The following PLK5 variants were observed in gnomAD, a reference collection of about 807,000 sequenced individuals.
PLK5 encodes inactive serine/threonine-protein kinase PLK5.
In PLK5, 28 loss-of-function variants were observed where a neutral mutation model predicts 33.7. The observed-to-expected ratio is 0.83, with a 90% CI of 0.62 to 1.14. The LOEUF (loss-of-function observed/expected upper bound fraction) is 1.14. PLK5 is among the 50% of genes most tolerant of loss of function. The pLI is 0.00. For synonymous variants in PLK5, 225 were observed against 202.2 expected (o/e 1.11, Z -0.96); for missense variants, 492 against 461.5 (o/e 1.07, Z -0.61).
At chr19:1,533,718 GC>G (rs1021829707) in intron 12 of PLK5, 36 of 599,950 alleles carry the variant, frequency 6.0e-5, no homozygotes, top group Non-Finnish European at 1.2e-5. Flanking sequence ...CCTGGCCCCA[GC>G]CAAGTGTGCT....
rs994231896 is a variant in PLK5, at chr19:1,524,397, C to G, written c.-544+151C>G. Among the ~76,000 whole-genome samples, 12 of 152,060 alleles carry G rather than the reference C, an allele frequency of 7.9e-5. No individual in the cohort carries two copies. Among genetic ancestry groups the G allele is most frequent in the Admixed American group, 6.6e-4 (10 of 15,262 alleles). The stretch of plus-strand genomic sequence containing the variant: ...GCGCGTCCGGAGCCGCGGGGCCTCC[C>G]GTGCGGGGTTTCGCATGGCGGGAAC... On this transcript the variant is annotated intron_variant, in intron 1 of 13. Coordinates refer to ENST00000454744, the MANE Select transcript of PLK5 (RefSeq NM_001243079.2). The surrounding 1 kb of genome is among the most constrained non-coding windows in gnomAD (Gnocchi z 4.5).
At chr19:1,529,613 C>T in intron 10 of PLK5, 123 bp downstream of exon 10, 1 of 1,406,002 alleles carries the variant, frequency 7.1e-7, no homozygotes, top group African/African-American at 1.4e-5. Context: ...CCTTTCCCGC[C>T]TGTCAAATGG....
intron 12 of PLK5, 178 bp from the exon 13 acceptor site, chr19:1,533,753 G>A (rs2145548722): frequency 3.3e-6 from 2 of 610,376 alleles, no homozygotes; most frequent in South Asian, 1.9e-5. Context: ...CGGGAGGCTG[G>A]AAGCCTTCGC....
intron 11 of PLK5, among the ~76,000 whole-genome samples, chr19:1,531,020 G>A (rs1000179276): frequency 6.6e-6 from 1 of 151,882 alleles, no homozygotes; most frequent in African/African-American, 2.4e-5. Context: ...TGAGCTCGGA[G>A]GTGGAGGCTG....
At chr19:1,529,247 G>A (rs1157074917) in intron 9 of PLK5, among the ~76,000 whole-genome samples, 159 bp from the exon 10 acceptor site, 1 of 152,172 alleles carries the variant, frequency 6.6e-6, no homozygotes, top group Non-Finnish European at 1.5e-5. Flanking sequence ...CCTACTGTAT[G>A]CCTCCGAGAC....
intron 13 of PLK5, among the ~76,000 whole-genome samples, chr19:1,534,628 AC>A (rs1914036026): frequency 7.0e-6 from 1 of 142,558 alleles, no homozygotes; most frequent in African/African-American, 2.6e-5. Flanking sequence ...ACACGGTGAA[AC>A]CCCGTCTCTA....
At chr19:1,531,715 A>G (rs1452370136) in intron 11 of PLK5, 23 bp from the exon 12 acceptor site, 1 of 1,536,356 alleles carries the variant, frequency 6.5e-7, no homozygotes. Flanking sequence ...CCCCTGGCTC[A>G]GCATACCTTT....
At chr19:1,527,602 T>A (rs1398274693) in intron 6 of PLK5, among the ~76,000 whole-genome samples, 13 of 147,286 alleles carry the variant, frequency 8.8e-5, no homozygotes, top group African/African-American at 3.0e-4. Flanking sequence ...ACCCTGTCTT[T>A]AAAAAAAAAA....
Position 1,535,325 on chromosome 19 carries a change from C to G in PLK5, c.*75C>G, listed in dbSNP as rs976862983. On this transcript the variant is annotated 3_prime_UTR_variant, in exon 14 of 14. Transcript: ENST00000454744. ...GGCTCCATTTCCATTCCTGTGGCTC[C>G]CCCAGAGGGGCTGTCCTGGGGGAGG... The G allele has an allele frequency of 1.4e-6, 2 of 1,448,462 alleles. No individual in the cohort carries two copies. Among genetic ancestry groups the G allele is most frequent in the Non-Finnish European group, 1.8e-6 (2 of 1,089,596 alleles). 89.7% of individuals were successfully genotyped at this position (1,448,462 alleles called of 1,614,324 possible). A position where few individuals can be genotyped will look rare whatever the true frequency, so the allele number is the denominator to read the frequency against.
At position 1,524,617 on chromosome 19, in the gene PLK5, G is replaced by C. The variant is rs1913682891; in HGVS notation, c.-544+371G>C. Among the ~76,000 whole-genome samples, 1 of 151,056 alleles carries C rather than the reference G, an allele frequency of 6.6e-6. No individual in the cohort carries two copies. Among genetic ancestry groups the C allele is most frequent in the African/African-American group, 2.4e-5 (1 of 41,040 alleles). ...GCGGTGTTCGTGTGTGTGTGTGTGT[G>C]TGTGTGTGTGTGTGTCTGGGTGTTG... On this transcript the variant is annotated intron_variant, in intron 1 of 13. Coordinates refer to ENST00000454744, the MANE Select transcript of PLK5 (RefSeq NM_001243079.2). This position sits in a 1 kb window ranked among gnomAD's most constrained non-coding sequence, Gnocchi z 4.5.
intron 8 of PLK5, 104 bp downstream of exon 8, chr19:1,528,532 T>C (rs1599304295): frequency 1.5e-6 from 1 of 649,596 alleles, no homozygotes; most frequent in South Asian, 2.4e-5. Context: ...ACCTCCCACC[T>C]GCCCACGCCT....
rs61744646 is a variant in PLK5, at chr19:1,526,571, G to A, written c.-227G>A. The A allele has an allele frequency of 0.018, 5,475 of 300,196 alleles. 276 individuals carry two copies. The highest frequency in any genetic ancestry group is 0.12 in the African/African-American group (5,133 of 43,772). 18.6% of individuals were successfully genotyped at this position (300,196 alleles called of 1,614,324 possible). A position where few individuals can be genotyped will look rare whatever the true frequency, so the allele number is the denominator to read the frequency against. On this transcript the variant is annotated 5_prime_UTR_variant, in exon 4 of 14. Coordinates refer to ENST00000454744, the MANE Select transcript of PLK5 (RefSeq NM_001243079.2). ...CTGCGGGGCCTGGTCAGCGGCCTGC[G>A]CTACCTGCACCAGCGGTGCATCCTG... is the stretch of plus-strand genomic sequence containing the variant.
In PLK5 at chr19:1,535,300, G is replaced by A. The variant is rs773616247; in HGVS notation, c.*50G>A. The A allele has an allele frequency of 3.4e-6, 5 of 1,490,350 alleles. No individual in the cohort carries two copies. The highest frequency in any genetic ancestry group is 4.5e-6 in the Non-Finnish European group (5 of 1,122,772). The allele number at this position is 1,490,350 out of a possible 1,614,324, so 92.3% of individuals were successfully genotyped here. Reference sequence around the variant, plus strand: ...CCTGCATGGTAGTGCCAGGGACCCAGGCTCCATTTCCATTCCTGTGGCTCC... The same window carrying A: ...CCTGCATGGTAGTGCCAGGGACCCAAGCTCCATTTCCATTCCTGTGGCTCC... On this transcript the variant is annotated 3_prime_UTR_variant, in exon 14 of 14. Transcript: ENST00000454744.
chr19:1,527,160 G>T (rs114198452), intron 6 of PLK5, among the ~76,000 whole-genome samples, 162 bp downstream of exon 6: 63 of 151,942 alleles, frequency 4.1e-4, no homozygotes, highest in African/African-American at 1.5e-3. Context: ...GTGTGGGGAG[G>T]CGTGTGTGAG....
In PLK5 at chr19:1,535,287, T is replaced by C; in HGVS notation, c.*37T>C. ...GTCAGAGTGGACCCCTGCATGGTAG[T>C]GCCAGGGACCCAGGCTCCATTTCCA... On this transcript the variant is annotated 3_prime_UTR_variant, in exon 14 of 14. Transcript: ENST00000454744. 4.6e-6 allele frequency: 7 copies of C among 1,510,676 alleles called. No homozygotes were observed. The highest frequency in any genetic ancestry group is 2.5e-5 in the East Asian group (1 of 39,964). The allele number at this position is 1,510,676 out of a possible 1,614,324, so 93.6% of individuals were successfully genotyped here.
Position 1,528,971 on chromosome 19 carries a change from C to A in PLK5, c.402C>A (p.Gly134=). 6.6e-7 allele frequency: 1 copy of A among 1,509,920 alleles called. No homozygotes were observed. The highest frequency in any genetic ancestry group is 8.8e-7 in the Non-Finnish European group (1 of 1,134,016). 93.5% of individuals were successfully genotyped at this position (1,509,920 alleles called of 1,614,324 possible). Residue 134 remains glycine, a synonymous_variant, in exon 9 of 14, where the codon GGC becomes GGA. Transcript: ENST00000454744. The part of the protein sequence containing the change: ...GPDPDSMEWD[G]ESSLSAKEVP... ...ACCCTGACTCCATGGAGTGGGACGG[C>A]GAGGTGAGACATCGGGGTGGGGGAC...
At position 1,529,840 on chromosome 19, in the gene PLK5, G is replaced by A; in HGVS notation, c.568+16G>A. The A allele has an allele frequency of 6.5e-7, 1 of 1,534,316 alleles. No homozygotes were observed. The highest frequency in any genetic ancestry group is 8.7e-7 in the Non-Finnish European group (1 of 1,146,110). On this transcript the variant is annotated intron_variant, in intron 11 of 13. Coordinates refer to ENST00000454744, the MANE Select transcript of PLK5 (RefSeq NM_001243079.2). ...GGCCCCCCGGGTAGGAGCCGGCCCA[G>A]CCCCCAGGATCACCTTTACTCTTAC...
chr19:1,532,002 C>T (rs1431931731), intron 12 of PLK5, 119 bp downstream of exon 12: 23 of 1,176,486 alleles, frequency 2.0e-5, no homozygotes, highest in South Asian at 1.2e-4. Context: ...CCTGCCTGGT[C>T]GGGGAGAACA....
Position 1,528,145 on chromosome 19 carries a change from G to T in PLK5, c.201+11G>T. Reference sequence around the variant, plus strand: ...GACTTCTTCACACAGGTGGGCGGCGGTCCTCGGCGTGGGGTCCCTGGCGTG... The same window carrying T: ...GACTTCTTCACACAGGTGGGCGGCGTTCCTCGGCGTGGGGTCCCTGGCGTG... On this transcript the variant is annotated intron_variant, in intron 7 of 13. Coordinates refer to ENST00000454744, the MANE Select transcript of PLK5 (RefSeq NM_001243079.2). The T allele has an allele frequency of 6.5e-7, 1 of 1,533,838 alleles. No homozygotes were observed. Among genetic ancestry groups the T allele is most frequent in the Non-Finnish European group, 8.7e-7 (1 of 1,145,238 alleles).
Sources: gnomAD v4.1 joint callset for allele counts (sites outside exome capture counted in the v4.1 genomes callset) on GRCh38, gnomAD v4.1.1 for gene constraint, Gnocchi (gnomAD v3.1) non-coding constraint, MANE v1.5 for transcripts, NCBI Gene and HGNC (gene_info 2026-07-23, HGNC 2026-07-21) for gene names.